Variants in RPSA2 observed in about 807,000 individuals in gnomAD.
The protein encoded by RPSA2 is small ribosomal subunit protein uS2B.
At chr19:23,790,692 G>A in the RPSA2 span, 7 of 414,830 alleles carry the variant, frequency 1.7e-5, no homozygotes, top group South Asian at 1.3e-4. Context: ...CTGACTTAGA[G>A]TCCCAGCCTG....
chr19:23,834,834 TA>T, the RPSA2 span, among the ~76,000 whole-genome samples: 3,194 of 152,150 alleles, frequency 0.021, 131 homozygotes, highest in African/African-American at 0.073. Context: ...TAGTAATCTT[TA>T]TTGCCAGTAA....
chr19:23,847,171 T>C, the RPSA2 span, among the ~76,000 whole-genome samples: 1 of 152,038 alleles, frequency 6.6e-6, no homozygotes, highest in African/African-American at 2.4e-5. Flanking sequence ...ATTTTCTTTT[T>C]CCTTCATTAA....
the RPSA2 span, among the ~76,000 whole-genome samples, chr19:23,761,041 G>A: frequency 1.7e-4 from 1 of 6,004 alleles, no homozygotes; most frequent in Admixed American, 4.2e-3. Context: ...ATATATATAG[G>A]GTATATATGT....
chr19:23,840,813 T>A, the RPSA2 span, among the ~76,000 whole-genome samples: 1 of 122,116 alleles, frequency 8.2e-6, no homozygotes, highest in Non-Finnish European at 1.8e-5. Flanking sequence ...AAAAAAAAAA[T>A]TAGCCGGACA....
At chr19:23,790,811 G>A in the RPSA2 span, 1,407 of 541,486 alleles carry the variant, frequency 2.6e-3, 15 homozygotes, top group African/African-American at 0.024. Context: ...AGAGGGGCAA[G>A]GGCTGGTTGG....
chr19:23,823,936 A>T, the RPSA2 span: 2 of 152,220 alleles, frequency 1.3e-5, no homozygotes, highest in Non-Finnish European at 2.9e-5. Context: ...CAAACCTGTC[A>T]TCTCCATCTC....
the RPSA2 span, chr19:23,808,991 T>A: frequency 5.2e-6 from 1 of 191,616 alleles, no homozygotes; most frequent in African/African-American, 2.4e-5. Flanking sequence ...TTTATAAAAT[T>A]TCTAAGAATT....
At chr19:23,834,243 A>G in the RPSA2 span, among the ~76,000 whole-genome samples, 1 of 152,058 alleles carries the variant, frequency 6.6e-6, no homozygotes, top group Non-Finnish European at 1.5e-5. Context: ...TTACATTCAA[A>G]TTATACTTTT....
At chr19:23,829,938 T>C in the RPSA2 span, among the ~76,000 whole-genome samples, 1 of 152,168 alleles carries the variant, frequency 6.6e-6, no homozygotes, top group East Asian at 1.9e-4. Flanking sequence ...TATAATTATG[T>C]GTAGCTTTTT....
chr19:23,814,009 C>T, the RPSA2 span, among the ~76,000 whole-genome samples: 1 of 151,862 alleles, frequency 6.6e-6, no homozygotes, highest in Non-Finnish European at 1.5e-5. Context: ...GCGTGAGCCA[C>T]CGTGCCAGCC....
chr19:23,848,179 G>T, the RPSA2 span, among the ~76,000 whole-genome samples: 32 of 152,146 alleles, frequency 2.1e-4, no homozygotes, highest in Non-Finnish European at 4.6e-4. Context: ...AATTATAAGA[G>T]TATTATTTGG....
the RPSA2 span, chr19:23,827,624 C>A: frequency 1.3e-6 from 2 of 1,592,386 alleles, no homozygotes; most frequent in Admixed American, 3.3e-5. Context: ...TTCTCCTCTG[C>A]GCTATGTGGA....
chr19:23,815,673 G>A, the RPSA2 span, among the ~76,000 whole-genome samples: 1 of 152,080 alleles, frequency 6.6e-6, no homozygotes, highest in Non-Finnish European at 1.5e-5. Context: ...AATACGGTCT[G>A]CAATGTCGTC....
chr19:23,807,727 A>C, the RPSA2 span: 1,032 of 263,792 alleles, frequency 3.9e-3, 5 homozygotes, highest in Admixed American at 5.9e-3. Flanking sequence ...CTTATAAGTC[A>C]GAACCAGTTT....
At chr19:23,833,073 C>A in the RPSA2 span, 1 of 1,314,676 alleles carries the variant, frequency 7.6e-7, no homozygotes. Context: ...AAGAATGTGG[C>A]AAATCTTTTA....
At chr19:23,860,656 C>G in the RPSA2 span, among the ~76,000 whole-genome samples, 3 of 152,162 alleles carry the variant, frequency 2.0e-5, no homozygotes, top group African/African-American at 4.8e-5. Context: ...TGCTAGTCTA[C>G]TAATCCATAT....
the RPSA2 span, among the ~76,000 whole-genome samples, chr19:23,763,501 G>C: frequency 1.1e-4 from 17 of 152,204 alleles, no homozygotes; most frequent in Admixed American, 1.1e-3. Context: ...GTTTGAGACG[G>C]AGTCTTGCTC....
the RPSA2 span, among the ~76,000 whole-genome samples, chr19:23,871,087 A>C: frequency 1.3e-5 from 2 of 152,242 alleles, no homozygotes; most frequent in East Asian, 1.9e-4. Flanking sequence ...TTACTCAATA[A>C]ATATAAAGGG....
At chr19:23,855,985 TGAAAA>T in the RPSA2 span, among the ~76,000 whole-genome samples, 3 of 152,062 alleles carry the variant, frequency 2.0e-5, no homozygotes, top group Non-Finnish European at 4.4e-5. Flanking sequence ...TGGTTCTTCA[TGAAAA>T]GAAATAAGAT....
Sources: allele counts gnomAD v4.1 joint callset (sites outside exome capture counted in the v4.1 genomes callset), GRCh38; gene constraint gnomAD v4.1.1; transcripts MANE v1.5; gene names NCBI Gene and HGNC (gene_info 2026-07-23, HGNC 2026-07-21).